The following SFMBT1 variants were observed in gnomAD, a reference collection of about 807,000 sequenced individuals.
The protein encoded by SFMBT1 is Scm like with four mbt domains 1, also known as scm-like with four MBT domains protein 1.
SFMBT1 carries 32 observed loss-of-function variants against 108.7 expected under a neutral mutation model. The ratio of observed to expected loss-of-function variants is 0.29; its 90% confidence interval spans 0.22 to 0.40. SFMBT1 has a LOEUF of 0.40. SFMBT1 is among the 10% of genes least tolerant of loss of function. The probability of loss-of-function intolerance (pLI) is 1.00; values close to 1 mark genes in which losing one functional copy is unlikely to be tolerated. For synonymous variants in SFMBT1, 348 were observed against 369.5 expected (o/e 0.94, Z 0.67); for missense variants, 816 against 1,059.6 (o/e 0.77, Z 3.19).
At chr3:52,999,755 G>C (rs1177817559) in intron 1 of SFMBT1, among the ~76,000 whole-genome samples, 1 of 150,024 alleles carries the variant, frequency 6.7e-6, no homozygotes, top group Non-Finnish European at 1.5e-5. Flanking sequence ...CAAGCAGCAG[G>C]GTAGGAGGCA....
At position 52,971,975 on chromosome 3, in the gene SFMBT1, C is replaced by T. The variant is rs530429633; in HGVS notation, c.-130-2717G>A. ...AGCAATTAATATTTACTGAGGACTGCCTACGTGCTGGGGCACTGTTTTAAG... is the reference window on the plus strand; with the variant it reads ...AGCAATTAATATTTACTGAGGACTGTCTACGTGCTGGGGCACTGTTTTAAG... On this transcript the variant is annotated intron_variant, in intron 1 of 20. Coordinates refer to ENST00000394752, the MANE Select transcript of SFMBT1 (RefSeq NM_016329.4). Among the ~76,000 whole-genome samples the T allele has an allele frequency of 1.6e-3, 237 of 152,348 alleles. 1 individual carries two copies. Among genetic ancestry groups the T allele is most frequent in the African/African-American group, 5.4e-3 (226 of 41,572 alleles).
chr3:52,954,129 A>G (rs1214049084), intron 3 of SFMBT1, among the ~76,000 whole-genome samples, 188 bp downstream of exon 3: 1 of 152,148 alleles, frequency 6.6e-6, no homozygotes, highest in Non-Finnish European at 1.5e-5. Flanking sequence ...CATCTCAAAA[A>G]AAAATAAAAA....
At chr3:53,018,931 G>C (rs1377634091) in intron 1 of SFMBT1, 1 of 152,418 alleles carries the variant, frequency 6.6e-6, no homozygotes, top group Non-Finnish European at 1.5e-5. Context: ...CTTGGGGTTT[G>C]GTGCTGTGTT....
chr3:53,025,551 T>C (rs1269416730), intron 1 of SFMBT1, among the ~76,000 whole-genome samples: 4 of 151,984 alleles, frequency 2.6e-5, no homozygotes, highest in Admixed American at 6.6e-5. Context: ...AGGAGGTAGA[T>C]GATTCAGTGA....
intron 1 of SFMBT1, among the ~76,000 whole-genome samples, chr3:53,009,363 G>A (rs1698865619): frequency 6.6e-6 from 1 of 152,018 alleles, no homozygotes; most frequent in Non-Finnish European, 1.5e-5. Flanking sequence ...CAGGAGAATT[G>A]CTTGAACCCG....
At chr3:52,980,541 A>G (rs929267015) in intron 1 of SFMBT1, among the ~76,000 whole-genome samples, 1 of 152,258 alleles carries the variant, frequency 6.6e-6, no homozygotes, top group Admixed American at 6.5e-5. Flanking sequence ...AGCAGAAAGA[A>G]GTGGTGACAT....
At chr3:52,935,017 C>A in intron 4 of SFMBT1, 116 bp from the exon 5 acceptor site, 1 of 776,140 alleles carries the variant, frequency 1.3e-6, no homozygotes, top group Non-Finnish European at 2.1e-6. Flanking sequence ...AAGAGTCCAA[C>A]ATACTGCTTG....
chr3:52,908,542 G>A (rs899928843), intron 17 of SFMBT1, among the ~76,000 whole-genome samples: 2 of 152,092 alleles, frequency 1.3e-5, no homozygotes, highest in African/African-American at 4.8e-5. Flanking sequence ...ACCATGTTAA[G>A]TTTGGCTCTA....
In SFMBT1 at chr3:52,943,420, G is replaced by A; in HGVS notation, c.297C>T (p.Ile99=). 1.2e-6 allele frequency: 2 copies of A among 1,614,196 alleles called. No homozygotes were observed. Among genetic ancestry groups the A allele is most frequent in the Non-Finnish European group, 1.7e-6 (2 of 1,180,034 alleles). Residue 99 remains isoleucine, a synonymous_variant, in exon 4 of 21, where the codon ATC becomes ATT. Transcript: ENST00000394752. ...EDRRADFWCD[I]RKADLYPIGW... ...CAATGGGGTAGAGATCAGCCTTCCT[G>A]ATGTCACACCAGAAATCTGCTCTCC... is the stretch of plus-strand genomic sequence containing the variant.
chr3:52,928,438 T>C (rs1702726179), intron 8 of SFMBT1, 97 bp from the exon 9 acceptor site: 9 of 1,286,986 alleles, frequency 7.0e-6, no homozygotes, highest in Non-Finnish European at 8.6e-6. Context: ...TTCATACTCA[T>C]GTGGGTATTA....
rs1359499955 is a variant in SFMBT1 at position 52,999,663 on chromosome 3, T to G, written c.-130-30405A>C. Among the ~76,000 whole-genome samples, 5 of 149,122 alleles carry G rather than the reference T, an allele frequency of 3.4e-5. 1 individual carries two copies. Among genetic ancestry groups the G allele is most frequent in the Non-Finnish European group, 7.5e-5 (5 of 66,614 alleles). ...CACTGGCCAAAGGTCATGAGGGGAG[T>G]GGGCCACATGAGTGGCCACTTGCCA... On this transcript the variant is annotated intron_variant, in intron 1 of 20. Coordinates refer to ENST00000394752, the MANE Select transcript of SFMBT1 (RefSeq NM_016329.4).
At chr3:53,036,957 C>T (rs367557832) in intron 1 of SFMBT1, among the ~76,000 whole-genome samples, 1 of 152,140 alleles carries the variant, frequency 6.6e-6, no homozygotes, top group East Asian at 1.9e-4. Flanking sequence ...GGCTGGGACT[C>T]TGGGAGAAAA....
At chr3:52,962,620 A>G (rs1253726593) in intron 2 of SFMBT1, among the ~76,000 whole-genome samples, 3 of 152,116 alleles carry the variant, frequency 2.0e-5, no homozygotes, top group Non-Finnish European at 4.4e-5. Flanking sequence ...AGCCTGGCCA[A>G]CATGATGAAA....
chr3:53,009,960 G>C (rs1205482653), intron 1 of SFMBT1, among the ~76,000 whole-genome samples: 1 of 152,116 alleles, frequency 6.6e-6, no homozygotes, highest in African/African-American at 2.4e-5. Context: ...GCTGTCTCAG[G>C]GGTTGCAGAG....
At chr3:52,958,872 A>G in intron 2 of SFMBT1, among the ~76,000 whole-genome samples, 1 of 152,220 alleles carries the variant, frequency 6.6e-6, no homozygotes, top group East Asian at 1.9e-4. Context: ...ACATGGAATC[A>G]ACCCAAATGC....
At chr3:52,970,805 A>C (rs1704315051) in intron 1 of SFMBT1, among the ~76,000 whole-genome samples, 1 of 152,204 alleles carries the variant, frequency 6.6e-6, no homozygotes, top group Non-Finnish European at 1.5e-5. Context: ...CTTTTGCCTG[A>C]AAAGGTACCA....
At position 52,911,121 on chromosome 3, in the gene SFMBT1, C is replaced by G; in HGVS notation, c.1788G>C (p.Val596=). 6.2e-7 allele frequency: 1 copy of G among 1,614,100 alleles called. No individual in the cohort carries two copies. The highest frequency in any genetic ancestry group is 1.1e-5 in the South Asian group (1 of 91,062). Residue 596 remains valine (V), a synonymous_variant, in exon 17 of 21, where the codon GTG becomes GTC. Transcript: ENST00000394752. ...TVEIVKTADR[V]TEFCRQTCIK... is the part of the protein sequence containing the mutation. ...TACAGGTTTGCCGGCAGAATTCAGT[C>G]ACCCGATCTGCTGTTTTCACTATCT...
chr3:53,033,556 C>T (rs935303176), intron 1 of SFMBT1, among the ~76,000 whole-genome samples: 32 of 152,098 alleles, frequency 2.1e-4, no homozygotes, highest in African/African-American at 7.5e-4. Flanking sequence ...TGAAAAAATT[C>T]CAAATACTCT....
intron 5 of SFMBT1, among the ~76,000 whole-genome samples, chr3:52,934,432 A>C (rs1274124330): frequency 7.1e-5 from 1 of 14,120 alleles, no homozygotes; most frequent in African/African-American, 1.8e-4. Flanking sequence ...GTTCCAAGCA[A>C]AAAAAAAAAA....
Sources: gnomAD v4.1 joint callset for allele counts (sites outside exome capture counted in the v4.1 genomes callset) on GRCh38, gnomAD v4.1.1 for gene constraint, MANE v1.5 for transcripts, NCBI Gene and HGNC (gene_info 2026-07-23, HGNC 2026-07-21) for gene names.